ZMYM4: variants seen among roughly 807,000 people sequenced by gnomAD.
ZMYM4 encodes the protein zinc finger MYM-type containing 4.
In ZMYM4, 31 loss-of-function variants were observed where a neutral mutation model predicts 183.2. That is an observed-to-expected ratio of 0.17 (90% confidence interval 0.13 to 0.23). The LOEUF (loss-of-function observed/expected upper bound fraction) is 0.23. ZMYM4 is among the 10% of genes least tolerant of loss of function. The pLI, the probability that ZMYM4 is intolerant of heterozygous loss-of-function variation, is 1.00. For missense variants in ZMYM4, 1,273 were observed against 1,840.3 expected, an observed-to-expected ratio of 0.69 and a Z score of 5.64; for synonymous variants, 592 against 631.2, an observed-to-expected ratio of 0.94 and a Z score of 0.93.
At chr1:35,319,487 G>A (rs997531875) in intron 1 of ZMYM4, among the ~76,000 whole-genome samples, 5 of 152,022 alleles carry the variant, frequency 3.3e-5, no homozygotes, top group Non-Finnish European at 5.9e-5. Context: ...AGCTGGGCGT[G>A]GTTGTGCACA....
chr1:35,313,489 A>G, intron 1 of ZMYM4, among the ~76,000 whole-genome samples: 1 of 150,956 alleles, frequency 6.6e-6, no homozygotes, highest in East Asian at 1.9e-4. Context: ...CCTGGGCTCA[A>G]ATGATTCTTG....
intron 4 of ZMYM4, 107 bp from the exon 5 acceptor site, chr1:35,361,512 T>C (rs1363552296): frequency 1.6e-6 from 2 of 1,273,420 alleles, no homozygotes; most frequent in Non-Finnish European, 2.2e-6. Context: ...AGCTAATGAA[T>C]GTCCATAGAG....
intron 1 of ZMYM4, among the ~76,000 whole-genome samples, chr1:35,310,073 G>A (rs1641725723): frequency 6.6e-6 from 1 of 151,686 alleles, no homozygotes; most frequent in Non-Finnish European, 1.5e-5. Flanking sequence ...TGAGATTAAG[G>A]CACCCACCAC....
chr1:35,370,355 T>TC lies in ZMYM4; in HGVS notation c.926-17_926-16insC, dbSNP rs1372710362. 6 of 1,339,196 alleles carry TC rather than the reference T, an allele frequency of 4.5e-6. No homozygotes were observed. The highest frequency in any genetic ancestry group is 5.7e-6 in the Non-Finnish European group (6 of 1,051,710). The allele number at this position is 1,339,196 out of a possible 1,614,324, so 83.0% of individuals were successfully genotyped here. ...TTCTTTCAATTTTTTTTTTTTTTTT[T>TC]TTTTTTTTTTTTAAAGCTCCACAGT... On this transcript the variant is annotated splice_polypyrimidine_tract_variant and intron_variant, in intron 6 of 29. Transcript: ENST00000314607.
intron 1 of ZMYM4, among the ~76,000 whole-genome samples, chr1:35,278,626 T>C (rs572416354): frequency 6.6e-6 from 1 of 152,074 alleles, no homozygotes; most frequent in East Asian, 1.9e-4. Flanking sequence ...GGGGTTTCAC[T>C]ATGTTAGGAT....
chr1:35,364,672 A>T (rs1644328303), intron 5 of ZMYM4, among the ~76,000 whole-genome samples: 1 of 152,214 alleles, frequency 6.6e-6, no homozygotes, highest in Non-Finnish European at 1.5e-5. Flanking sequence ...TTTACTTTTG[A>T]CCATCAGTTA....
intron 3 of ZMYM4, among the ~76,000 whole-genome samples, chr1:35,360,051 CCTG>C (rs1432123819): frequency 1.3e-5 from 2 of 152,010 alleles, no homozygotes; most frequent in Non-Finnish European, 2.9e-5. Context: ...TTCCTTTCCT[CCTG>C]CTATTCCATT....
chr1:35,337,983 A>G (rs1052028529), intron 2 of ZMYM4, among the ~76,000 whole-genome samples: 6 of 152,156 alleles, frequency 3.9e-5, no homozygotes, highest in African/African-American at 1.4e-4. Context: ...ACATAAATGG[A>G]TTATTGTGTT....
At chr1:35,335,605 A>G (rs1223345304) in intron 2 of ZMYM4, among the ~76,000 whole-genome samples, 1 of 152,126 alleles carries the variant, frequency 6.6e-6, no homozygotes, top group Non-Finnish European at 1.5e-5. Context: ...GTTTGTCACC[A>G]ATGCATGATA....
chr1:35,321,395 T>C (rs1366052982), intron 1 of ZMYM4, among the ~76,000 whole-genome samples: 1 of 152,154 alleles, frequency 6.6e-6, no homozygotes, highest in Non-Finnish European at 1.5e-5. Context: ...ACCCAGATGC[T>C]TGAAACTACC....
intron 1 of ZMYM4, among the ~76,000 whole-genome samples, chr1:35,309,458 T>A (rs1454124340): frequency 6.6e-6 from 1 of 152,200 alleles, no homozygotes; most frequent in Non-Finnish European, 1.5e-5. Context: ...CAATAAAGAA[T>A]TTAGTCAGAA....
intron 2 of ZMYM4, among the ~76,000 whole-genome samples, chr1:35,342,276 T>C (rs1172290809): frequency 6.6e-6 from 1 of 151,946 alleles, no homozygotes; most frequent in Non-Finnish European, 1.5e-5. Flanking sequence ...CACCTCACCC[T>C]CCCCCGTAGC....
chr1:35,313,966 C>T (rs1641920328), intron 1 of ZMYM4, among the ~76,000 whole-genome samples: 2 of 152,166 alleles, frequency 1.3e-5, no homozygotes, highest in Admixed American at 1.3e-4. Flanking sequence ...TTCACATACT[C>T]TTAGTTCCTG....
Position 35,269,084 on chromosome 1 carries a change from G to T in ZMYM4, c.38G>T (p.Arg13Met). ...GAGGTGGAGTCCGGCCCCCGAAAGA[G>T]GGTAGGTGAGGTGAGGCAGAACTCG... is the stretch of plus-strand genomic sequence containing the variant. ...EREVESGPRK[R>M]FEQKSGAVFD... The change falls in exon 1 of 30, where the codon AGG (arginine) becomes ATG (methionine). Residue 13 changes from arginine (R) to methionine (M), a missense_variant and splice_region_variant. Transcript: ENST00000314607. 1 of 1,549,478 alleles carries T rather than the reference G, an allele frequency of 6.5e-7. No homozygotes were observed. The highest frequency in any genetic ancestry group is 8.7e-7 in the Non-Finnish European group (1 of 1,146,684).
At chr1:35,305,437 G>GT (rs926942540) in intron 1 of ZMYM4, among the ~76,000 whole-genome samples, 26 of 151,248 alleles carry the variant, frequency 1.7e-4, no homozygotes, top group African/African-American at 2.4e-4. Context: ...TTTTCTTTCT[G>GT]TTTTTTTTAA....
intron 2 of ZMYM4, among the ~76,000 whole-genome samples, chr1:35,331,379 C>G (rs1234236953): frequency 6.6e-6 from 1 of 152,110 alleles, no homozygotes; most frequent in Non-Finnish European, 1.5e-5. Context: ...GATTAGTATA[C>G]AATTTTCAAA....
At chr1:35,286,309 A>G (rs1160133817) in intron 1 of ZMYM4, among the ~76,000 whole-genome samples, 1 of 152,124 alleles carries the variant, frequency 6.6e-6, no homozygotes, top group African/African-American at 2.4e-5. Context: ...TCAAGAAGAA[A>G]AAAAAAATAC....
At chr1:35,316,317 A>C (rs1405352265) in intron 1 of ZMYM4, among the ~76,000 whole-genome samples, 1 of 152,222 alleles carries the variant, frequency 6.6e-6, no homozygotes, top group Admixed American at 6.5e-5. Context: ...GTGTAATAGT[A>C]AGTTAGTCCT....
At chr1:35,335,471 GA>G (rs1642933263) in intron 2 of ZMYM4, among the ~76,000 whole-genome samples, 1 of 151,964 alleles carries the variant, frequency 6.6e-6, no homozygotes, top group African/African-American at 2.4e-5. Context: ...TCCTGACCAG[GA>G]CTCTTGATCC....
Sources: gnomAD v4.1 joint callset for allele counts (sites outside exome capture counted in the v4.1 genomes callset) on GRCh38, gnomAD v4.1.1 for gene constraint, MANE v1.5 for transcripts, NCBI Gene and HGNC (gene_info 2026-07-23, HGNC 2026-07-21) for gene names.